Variants in RGL1 observed in about 807,000 individuals in gnomAD.
The protein encoded by RGL1 is ral guanine nucleotide dissociation stimulator like 1.
In RGL1, 24 loss-of-function variants were observed where a neutral mutation model predicts 95.2. The observed-to-expected ratio is 0.25, with a 90% confidence interval of 0.18 to 0.35. RGL1 has a LOEUF of 0.35. RGL1 is among the 10% of genes least tolerant of loss of function. The pLI, the probability that RGL1 is intolerant of heterozygous loss-of-function variation, is 1.00. For missense variants in RGL1, 715 were observed against 936.3 expected (o/e 0.76, Z 3.08); for synonymous variants, 329 against 344.9 (o/e 0.95, Z 0.51).
chr1:183,671,793 G>A (rs1652472361), intron 1 of RGL1, among the ~76,000 whole-genome samples: 2 of 152,204 alleles, frequency 1.3e-5, no homozygotes, highest in Non-Finnish European at 2.9e-5. Context: ...TATTATGGCT[G>A]TAGACTCAGT....
chr1:183,883,852 C>T lies in RGL1; in HGVS notation c.677C>T (p.Ala226Val). 2 of 1,614,086 alleles carry T rather than the reference C, an allele frequency of 1.2e-6. No individual in the cohort carries two copies. Among genetic ancestry groups the T allele is most frequent in the Non-Finnish European group, 1.7e-6 (2 of 1,179,930 alleles). ...GAGGAACTGGAGGGTGGAGAGTCAG[C>T]AGAATTCACGTGCTTCTCAGAAGAT... ...EEEELEGGES[A>V]EFTCFSEDLV... The change falls in exon 6 of 18, where the codon GCA becomes GTA. Residue 226 changes from alanine to valine, a missense_variant. By Grantham distance (64) the Ala-to-Val change is moderately conservative (BLOSUM62 0). Around this residue, in one of 3 missense-constraint regions of RGL1, gnomAD observed 381 missense variants for 484.8 expected, o/e 0.79. Coordinates refer to ENST00000360851, the MANE Select transcript of RGL1 (RefSeq NM_001297671.3).
intron 4 of RGL1, among the ~76,000 whole-genome samples, chr1:183,871,345 A>G (rs1190303182): frequency 6.6e-6 from 1 of 152,202 alleles, no homozygotes; most frequent in Non-Finnish European, 1.5e-5. Context: ...GAGTGGCAAA[A>G]TGCCCATTGT....
intron 1 of RGL1, among the ~76,000 whole-genome samples, chr1:183,688,558 T>G (rs1481208718): frequency 6.6e-6 from 1 of 152,178 alleles, no homozygotes; most frequent in African/African-American, 2.4e-5. Flanking sequence ...CTGACGCCTC[T>G]GCAACCATTT....
intron 3 of RGL1, 104 bp downstream of exon 3, chr1:183,847,878 G>A (rs925720086): frequency 2.4e-6 from 2 of 832,704 alleles, no homozygotes; most frequent in African/African-American, 1.7e-5. Context: ...AGAGAGATAT[G>A]TGAGGAAAGA....
intron 2 of RGL1, among the ~76,000 whole-genome samples, chr1:183,827,430 A>G (rs1240776990): frequency 6.6e-6 from 1 of 152,180 alleles, no homozygotes; most frequent in Admixed American, 6.5e-5. Flanking sequence ...TTAAACTGGA[A>G]TCTCTCCCAC....
At chr1:183,813,041 C>T (rs77043115) in intron 2 of RGL1, among the ~76,000 whole-genome samples, 3,071 of 152,188 alleles carry the variant, frequency 0.02, 99 homozygotes, top group African/African-American at 0.069. Flanking sequence ...CAATGACTGA[C>T]AGCTGCAGGG....
intron 16 of RGL1, 52 bp downstream of exon 16, chr1:183,916,753 T>G: frequency 1.3e-6 from 2 of 1,583,282 alleles, no homozygotes; most frequent in Non-Finnish European, 1.7e-6. Context: ...ATTGTGTGTC[T>G]GTGTCTGTCG....
rs181222675 is a variant in RGL1 at position 183,809,802 on chromosome 1, A to G, written c.138+3317A>G. On this transcript the variant is annotated intron_variant, in intron 2 of 17. Coordinates refer to ENST00000360851, the MANE Select transcript of RGL1 (RefSeq NM_001297671.3). ...CTCTACTAAAAATAAAAATAAAATTAAAAAATTAGCTGAGTGTGGTGGTGT... is the reference window on the plus strand; with the variant it reads ...CTCTACTAAAAATAAAAATAAAATTGAAAAATTAGCTGAGTGTGGTGGTGT... Among the ~76,000 whole-genome samples the G allele has an allele frequency of 6.8e-4, 103 of 152,200 alleles. 2 individuals are homozygous for G. The highest frequency in any genetic ancestry group is 3.4e-3 in the Middle Eastern group (1 of 294).
In RGL1 at chr1:183,805,156, A is replaced by T; in HGVS notation, c.-142A>T. The T allele has an allele frequency of 1.8e-6, 2 of 1,124,916 alleles. No individual in the cohort carries two copies. Among genetic ancestry groups the T allele is most frequent in the Non-Finnish European group, 2.3e-6 (2 of 872,104 alleles). The allele number at this position is 1,124,916 out of a possible 1,614,324, so 69.7% of individuals were successfully genotyped here. A position where few individuals can be genotyped will look rare whatever the true frequency, so the allele number is the denominator to read the frequency against. On this transcript the variant is annotated 5_prime_UTR_variant, in exon 1 of 18. Coordinates refer to ENST00000360851, the MANE Select transcript of RGL1 (RefSeq NM_001297671.3). ...CGCGCGCACCGGCGGCGGCGGGGGC[A>T]GCGCGGCGCGTGTCTGTGCGCTGCG...
At chr1:183,689,846 C>T (rs183657085) in intron 1 of RGL1, among the ~76,000 whole-genome samples, 1 of 152,288 alleles carries the variant, frequency 6.6e-6, no homozygotes, top group East Asian at 1.9e-4. Flanking sequence ...CATTCAGCTT[C>T]TGGCACTGTG....
At chr1:183,872,319 C>G (rs988628165) in intron 4 of RGL1, among the ~76,000 whole-genome samples, 3 of 152,174 alleles carry the variant, frequency 2.0e-5, no homozygotes, top group Admixed American at 6.5e-5. Context: ...ATCTCCCTCT[C>G]TCTATATATA....
At chr1:183,822,445 C>T (rs1662555117) in intron 2 of RGL1, among the ~76,000 whole-genome samples, 1 of 152,006 alleles carries the variant, frequency 6.6e-6, no homozygotes, top group African/African-American at 2.4e-5. Context: ...CCAAAATCTC[C>T]TTTGGAGATT....
At chr1:183,823,528 T>A (rs982153618) in intron 2 of RGL1, among the ~76,000 whole-genome samples, 1 of 152,224 alleles carries the variant, frequency 6.6e-6, no homozygotes, top group Non-Finnish European at 1.5e-5. Flanking sequence ...AGCTCTGTGA[T>A]ATATTGCTGG....
intron 3 of RGL1, among the ~76,000 whole-genome samples, chr1:183,864,512 C>G: frequency 6.6e-6 from 1 of 152,296 alleles, no homozygotes; most frequent in Middle Eastern, 3.4e-3. Context: ...TAGTTTGCTA[C>G]GATGTTGGCC....
intron 2 of RGL1, among the ~76,000 whole-genome samples, chr1:183,767,004 C>A (rs1223020400): frequency 2.0e-5 from 3 of 151,610 alleles, no homozygotes; most frequent in Non-Finnish European, 4.4e-5. Flanking sequence ...TTGCTTGAGA[C>A]CAGGAGTTTG....
At chr1:183,873,150 G>T (rs1204124963) in intron 4 of RGL1, among the ~76,000 whole-genome samples, 2 of 152,140 alleles carry the variant, frequency 1.3e-5, no homozygotes, top group African/African-American at 4.8e-5. Flanking sequence ...GATAATCAAT[G>T]GCTCAAAAAG....
intron 2 of RGL1, among the ~76,000 whole-genome samples, chr1:183,768,461 C>CTTTTTTTTTTT (rs71130639): frequency 2.4e-5 from 2 of 83,848 alleles, no homozygotes; most frequent in African/African-American, 8.8e-5. Flanking sequence ...CTTTAGATAA[C>CTTTTTTTTTTT]TTTTTTTTTT....
chr1:183,923,659 C>T (rs1669444980), intron 17 of RGL1, among the ~76,000 whole-genome samples: 1 of 152,168 alleles, frequency 6.6e-6, no homozygotes, highest in African/African-American at 2.4e-5. Context: ...GCTGGTTCCT[C>T]ATATATCACA....
At chr1:183,874,562 C>T (rs1487065247) in intron 4 of RGL1, among the ~76,000 whole-genome samples, 1 of 151,358 alleles carries the variant, frequency 6.6e-6, no homozygotes, top group Non-Finnish European at 1.5e-5. Flanking sequence ...TTGCCCTTGC[C>T]TTCTTAGTGC....
Sources: allele counts gnomAD v4.1 joint callset (sites outside exome capture counted in the v4.1 genomes callset), GRCh38; gene constraint gnomAD v4.1.1; regional missense constraint gnomAD v4.1.1; transcripts MANE v1.5; gene names NCBI Gene and HGNC (gene_info 2026-07-23, HGNC 2026-07-21).